Variants in DMXL2 observed in about 807,000 individuals in gnomAD.
DMXL2 encodes Dmx like 2.
A neutral mutation model predicts 331.1 loss-of-function variants in DMXL2; 103 were observed. That is an observed-to-expected ratio of 0.31 (90% CI 0.27 to 0.37). The LOEUF (loss-of-function observed/expected upper bound fraction) is 0.37, where lower values mean the gene tolerates loss of function less well. DMXL2 is among the 10% of genes least tolerant of loss of function. The pLI is 1.00. For synonymous variants in DMXL2, 1,281 were observed against 1,252.1 expected, an observed-to-expected ratio of 1.02 and a Z score of -0.49; for missense variants, 3,171 against 3,642.9, an observed-to-expected ratio of 0.87 and a Z score of 3.33.
chr15:51,575,042 CT>C (rs1293071705), intron 2 of DMXL2, among the ~76,000 whole-genome samples: 1 of 152,028 alleles, frequency 6.6e-6, no homozygotes, highest in African/African-American at 2.4e-5. Context: ...TGGGGAGTAC[CT>C]GGGGGGAAAA....
intron 20 of DMXL2, among the ~76,000 whole-genome samples, chr15:51,490,867 T>C (rs1273785130): frequency 6.6e-6 from 1 of 152,240 alleles, no homozygotes; most frequent in East Asian, 1.9e-4. Flanking sequence ...AGATTTCAAG[T>C]GTGCAAAGAA....
chr15:51,586,719 G>C (rs928678138), intron 1 of DMXL2, among the ~76,000 whole-genome samples: 1 of 151,970 alleles, frequency 6.6e-6, no homozygotes, highest in Non-Finnish European at 1.5e-5. Context: ...GAAGAAAAAC[G>C]TGTTTTTTTC....
At chr15:51,534,308 A>T (rs1324263841) in intron 13 of DMXL2, among the ~76,000 whole-genome samples, 1 of 152,218 alleles carries the variant, frequency 6.6e-6, no homozygotes, top group East Asian at 1.9e-4. Context: ...CTTGATAGGC[A>T]CAGGGGGAGC....
intron 19 of DMXL2, among the ~76,000 whole-genome samples, chr15:51,492,404 A>C (rs1377021553): frequency 2.0e-5 from 3 of 152,222 alleles, no homozygotes; most frequent in Admixed American, 1.3e-4. Flanking sequence ...CATGATGTAC[A>C]TTCCTCTGCT....
chr15:51,507,409 G>A (rs909419143), intron 15 of DMXL2, among the ~76,000 whole-genome samples, 156 bp from the exon 16 acceptor site: 3 of 152,114 alleles, frequency 2.0e-5, no homozygotes, highest in East Asian at 1.9e-4. Flanking sequence ...TTTTTGTACC[G>A]AAAGTTAGAT....
At chr15:51,485,832 T>C (rs2042355551) in intron 23 of DMXL2, among the ~76,000 whole-genome samples, 1 of 152,184 alleles carries the variant, frequency 6.6e-6, no homozygotes, top group Non-Finnish European at 1.5e-5. Context: ...AATGGCTATA[T>C]GATTATGTAA....
At chr15:51,473,944 A>AT (rs2041346465) in intron 28 of DMXL2, among the ~76,000 whole-genome samples, 2 of 151,966 alleles carry the variant, frequency 1.3e-5, no homozygotes, top group Admixed American at 1.3e-4. Flanking sequence ...TGCGCTAAAG[A>AT]TTTTGAACAC....
intron 6 of DMXL2, among the ~76,000 whole-genome samples, chr15:51,550,003 T>G (rs1229529779): frequency 1.3e-5 from 2 of 152,092 alleles, no homozygotes; most frequent in Non-Finnish European, 2.9e-5. Context: ...ATATCCCTGA[T>G]GAATATAGAT....
Position 51,480,531 on chromosome 15 carries a change from GAT to G in DMXL2, c.6564+9_6564+10del. 1 of 1,484,044 alleles carries G rather than the reference GAT, an allele frequency of 6.7e-7. No homozygotes were observed. Among genetic ancestry groups the G allele is most frequent in the Non-Finnish European group, 9.0e-7 (1 of 1,114,150 alleles). The allele number at this position is 1,484,044 out of a possible 1,614,324, so 91.9% of individuals were successfully genotyped here. On this transcript the variant is annotated intron_variant, in intron 24 of 43. Coordinates refer to ENST00000560891, the MANE Select transcript of DMXL2 (RefSeq NM_001378457.1). ...AAATAACCAAGATTGAAAAAAAAGT[GAT>G]ATTCACACCTGTTGTGATTCTTGTA...
At chr15:51,504,195 T>C (rs982364226) in intron 16 of DMXL2, among the ~76,000 whole-genome samples, 11 of 152,120 alleles carry the variant, frequency 7.2e-5, no homozygotes, top group Non-Finnish European at 1.5e-4. Flanking sequence ...AACCAAACTT[T>C]AGGAAATAAC....
At chr15:51,533,992 A>C (rs1359890199) in intron 13 of DMXL2, among the ~76,000 whole-genome samples, 2 of 152,194 alleles carry the variant, frequency 1.3e-5, no homozygotes, top group Admixed American at 6.5e-5. Context: ...GTGCTTAGCA[A>C]GATGAAATGT....
At chr15:51,482,658 T>C (rs897245142) in intron 23 of DMXL2, among the ~76,000 whole-genome samples, 1 of 152,184 alleles carries the variant, frequency 6.6e-6, no homozygotes, top group Non-Finnish European at 1.5e-5. Context: ...GCAGGAAATG[T>C]ACAAGATGAC....
In DMXL2 at chr15:51,455,241, T is replaced by C. The variant is rs755835956; in HGVS notation, c.8527-13A>G. The C allele has an allele frequency of 5.0e-6, 8 of 1,606,956 alleles. No individual in the cohort carries two copies. Among genetic ancestry groups the C allele is most frequent in the Non-Finnish European group, 6.0e-6 (7 of 1,173,638 alleles). On this transcript the variant is annotated splice_polypyrimidine_tract_variant and intron_variant, in intron 39 of 43. Coordinates refer to ENST00000560891, the MANE Select transcript of DMXL2 (RefSeq NM_001378457.1). ...CCGCAACACCACACTGTAAGAACAG[T>C]ATAACTACTAAACACATGTTCTTAG...
At chr15:51,595,163 C>T (rs1447332487) in intron 1 of DMXL2, among the ~76,000 whole-genome samples, 5 of 152,100 alleles carry the variant, frequency 3.3e-5, no homozygotes, top group Admixed American at 6.5e-5. Context: ...ATTGTATATC[C>T]AGAAAACCCC....
intron 17 of DMXL2, among the ~76,000 whole-genome samples, chr15:51,502,306 T>TTG (rs769283309): frequency 0.034 from 4,787 of 140,560 alleles, 140 homozygotes; most frequent in African/African-American, 0.072. Flanking sequence ...TTTTGTGGGT[T>TTG]TGTGTGTGTG....
chr15:51,609,914 G>C (rs903871977), intron 1 of DMXL2, among the ~76,000 whole-genome samples: 1 of 146,892 alleles, frequency 6.8e-6, no homozygotes, highest in African/African-American at 2.5e-5. Context: ...TGGGCAACAA[G>C]AGTGAAAGTC....
At chr15:51,598,529 G>A (rs886247429) in intron 1 of DMXL2, among the ~76,000 whole-genome samples, 2 of 152,120 alleles carry the variant, frequency 1.3e-5, no homozygotes, top group Non-Finnish European at 2.9e-5. Context: ...CAGATTAAGT[G>A]TTTAGCTATG....
chr15:51,486,874 T>C (rs1458673820), intron 22 of DMXL2, among the ~76,000 whole-genome samples: 1 of 152,178 alleles, frequency 6.6e-6, no homozygotes, highest in Non-Finnish European at 1.5e-5. Context: ...TGCTTGAATA[T>C]CTTCTAAGCT....
chr15:51,558,876 A>G (rs564813825), intron 6 of DMXL2, among the ~76,000 whole-genome samples: 1 of 152,374 alleles, frequency 6.6e-6, no homozygotes, highest in Non-Finnish European at 1.5e-5. Flanking sequence ...TTAAAAGTAC[A>G]TAATGTCTCT....
Sources: gnomAD v4.1 joint callset for allele counts (sites outside exome capture counted in the v4.1 genomes callset) on GRCh38, gnomAD v4.1.1 for gene constraint, MANE v1.5 for transcripts, NCBI Gene and HGNC (gene_info 2026-07-23, HGNC 2026-07-21) for gene names.